SEPTIN9: variants seen among roughly 807,000 people sequenced by gnomAD.
SEPTIN9 encodes the protein septin-9.
SEPTIN9 carries 13 observed loss-of-function variants against 56.6 expected under a neutral mutation model. That is an observed-to-expected ratio of 0.23 (90% CI 0.15 to 0.37). SEPTIN9 has a LOEUF of 0.37. Among genes scored for constraint, SEPTIN9 ranks in the 10% least tolerant of loss-of-function variants. The pLI is 1.00. For synonymous variants in SEPTIN9, 332 were observed against 334.1 expected (o/e 0.99, Z 0.07); for missense variants, 650 against 823.1 (o/e 0.79, Z 2.57).
chr17:77,369,128 G>A lies in SEPTIN9; in HGVS notation c.77-32931G>A, dbSNP rs1314049297. Among the ~76,000 whole-genome samples the A allele has an allele frequency of 6.6e-6, 1 of 152,158 alleles. No individual in the cohort carries two copies. The highest frequency in any genetic ancestry group is 2.4e-5 in the African/African-American group (1 of 41,420). On this transcript the variant is annotated intron_variant, in intron 2 of 11. Transcript: ENST00000427177. The surrounding 1 kb of genome is among the most constrained non-coding windows in gnomAD (Gnocchi z 4.9). ...GGGTGCCTGTAATCCGAGCTACTTG[G>A]GAGGCTGAGGCAGGAGAATCACTTG...
intron 2 of SEPTIN9, among the ~76,000 whole-genome samples, chr17:77,360,803 A>G (rs2034391556): frequency 1.3e-5 from 2 of 151,526 alleles, no homozygotes; most frequent in Admixed American, 1.3e-4. Context: ...TGACCTCGCA[A>G]TCTGCCCTCC....
At chr17:77,290,702 C>A (rs2031505122) in intron 1 of SEPTIN9, among the ~76,000 whole-genome samples, 1 of 150,054 alleles carries the variant, frequency 6.7e-6, no homozygotes. Context: ...GTAGTCCCAG[C>A]TACTCGGGAG....
chr17:77,409,788 C>T (rs922968099), intron 3 of SEPTIN9, among the ~76,000 whole-genome samples: 3 of 152,236 alleles, frequency 2.0e-5, no homozygotes, highest in Non-Finnish European at 4.4e-5. Flanking sequence ...CGCGCCGCGG[C>T]CAGACAGCCA....
chr17:77,350,629 G>A (rs1477643656), intron 2 of SEPTIN9, among the ~76,000 whole-genome samples: 1 of 152,052 alleles, frequency 6.6e-6, no homozygotes, highest in Non-Finnish European at 1.5e-5. Flanking sequence ...GTGTGTGTGT[G>A]TGTGTGTGTC....
At chr17:77,484,538 G>A (rs1342696429) in intron 4 of SEPTIN9, among the ~76,000 whole-genome samples, 2 of 147,880 alleles carry the variant, frequency 1.4e-5, no homozygotes, top group Admixed American at 6.7e-5. Flanking sequence ...GATGGTGGTG[G>A]TGGTGATGGT....
Position 77,319,644 on chromosome 17 carries a change from T to TG in SEPTIN9, c.76+12451dup. On this transcript the variant is annotated intron_variant, in intron 2 of 11. Transcript: ENST00000427177. The surrounding 1 kb of genome is among the most constrained non-coding windows in gnomAD (Gnocchi z 5.3). ...GGCCGTTCCTCCTGCCCAGCCACGTTGGGGTACAGGGTGAAGAAGGGCTGG... is the reference window on the plus strand; with the variant it reads ...GGCCGTTCCTCCTGCCCAGCCACGTTGGGGGTACAGGGTGAAGAAGGGCTGG... The TG allele has an allele frequency of 7.5e-6, 8 of 1,062,502 alleles. No homozygotes were observed. Among genetic ancestry groups the TG allele is most frequent in the Non-Finnish European group, 9.1e-6 (8 of 877,594 alleles). The allele number at this position is 1,062,502 out of a possible 1,614,324, so 65.8% of individuals were successfully genotyped here. A position where few individuals can be genotyped will look rare whatever the true frequency, so the allele number is the denominator to read the frequency against.
At chr17:77,442,448 C>T (rs1215630572) in intron 3 of SEPTIN9, among the ~76,000 whole-genome samples, 4 of 146,918 alleles carry the variant, frequency 2.7e-5, no homozygotes, top group Non-Finnish European at 4.5e-5. Flanking sequence ...CTGCCTACCT[C>T]GGCCTCCCAA....
In SEPTIN9 at chr17:77,498,516, C is replaced by A; in HGVS notation, c.1626-7C>A. 2 of 638,042 alleles carry A rather than the reference C, an allele frequency of 3.1e-6. No individual in the cohort carries two copies. Among genetic ancestry groups the A allele is most frequent in the Non-Finnish European group, 5.2e-6 (2 of 381,646 alleles). The allele number at this position is 638,042 out of a possible 1,614,324, so 39.5% of individuals were successfully genotyped here. A position where few individuals can be genotyped will look rare whatever the true frequency, so the allele number is the denominator to read the frequency against. On this transcript the variant is annotated splice_polypyrimidine_tract_variant and splice_region_variant and intron_variant, in intron 11 of 11. Coordinates refer to ENST00000427177, the MANE Select transcript of SEPTIN9 (RefSeq NM_001113491.2). ...CTCACTGACCCGCCCGCCCCCCACCCCCACAGGACGCACATGCAGAACATC... is the reference window on the plus strand; with the variant it reads ...CTCACTGACCCGCCCGCCCCCCACCACCACAGGACGCACATGCAGAACATC...
chr17:77,482,567 A>T (rs1159006038), intron 4 of SEPTIN9: 1 of 695,372 alleles, frequency 1.4e-6, no homozygotes, highest in Admixed American at 2.0e-5. Context: ...GGCCCCTGAG[A>T]TGACTTTGGG....
At chr17:77,472,194 A>C (rs1238506689) in intron 3 of SEPTIN9, among the ~76,000 whole-genome samples, 1 of 152,232 alleles carries the variant, frequency 6.6e-6, no homozygotes, top group African/African-American at 2.4e-5. Context: ...GGCCTCTTCC[A>C]GAAAGCGGCG....
intron 3 of SEPTIN9, among the ~76,000 whole-genome samples, chr17:77,404,098 C>T (rs2035988504): frequency 6.6e-6 from 1 of 152,176 alleles, no homozygotes; most frequent in Non-Finnish European, 1.5e-5. Context: ...ATCCGTCGTG[C>T]TGTAGCATGG....
rs1437305157 is a variant in SEPTIN9, at chr17:77,367,840, A to C, written c.77-34219A>C. 6.6e-6 allele frequency among the ~76,000 whole-genome samples: 1 copy of C among 152,056 alleles called. No individual in the cohort carries two copies. The highest frequency in any genetic ancestry group is 6.5e-5 in the Admixed American group (1 of 15,268). ...AATAATAATAATGCTAATAATAAAT[A>C]AAATAATAATAATAAAATAATAAAA... On this transcript the variant is annotated intron_variant, in intron 2 of 11. Coordinates refer to ENST00000427177, the MANE Select transcript of SEPTIN9 (RefSeq NM_001113491.2). The surrounding 1 kb of genome is among the most constrained non-coding windows in gnomAD (Gnocchi z 4.5).
chr17:77,465,066 A>G (rs2144523757), intron 3 of SEPTIN9, among the ~76,000 whole-genome samples: 1 of 152,248 alleles, frequency 6.6e-6, no homozygotes, highest in South Asian at 2.1e-4. Flanking sequence ...CCTGTTCTAG[A>G]TAGTTTGTAT....
intron 4 of SEPTIN9, among the ~76,000 whole-genome samples, chr17:77,485,757 A>G (rs970184474): frequency 6.6e-6 from 1 of 152,030 alleles, no homozygotes; most frequent in East Asian, 1.9e-4. Context: ...GATTCCCAGC[A>G]CCAGCCTCTG....
chr17:77,391,630 C>T (rs79497040), intron 2 of SEPTIN9, among the ~76,000 whole-genome samples: 319 of 152,298 alleles, frequency 2.1e-3, no homozygotes, highest in East Asian at 0.015. Context: ...TAAGACATAT[C>T]GTTTTGGGGG....
At chr17:77,462,305 G>A (rs769316351) in intron 3 of SEPTIN9, among the ~76,000 whole-genome samples, 5 of 152,166 alleles carry the variant, frequency 3.3e-5, no homozygotes, top group Non-Finnish European at 7.3e-5. Context: ...GCAGTGGCCC[G>A]ATCACGGCTC....
At chr17:77,380,146 G>C (rs1326612558) in intron 2 of SEPTIN9, 1 of 169,434 alleles carries the variant, frequency 5.9e-6, no homozygotes, top group Non-Finnish European at 1.3e-5. Context: ...CCAGCAGACA[G>C]TTCTAGAGAC....
chr17:77,377,589 G>A (rs758435038), intron 2 of SEPTIN9, among the ~76,000 whole-genome samples: 41 of 152,034 alleles, frequency 2.7e-4, no homozygotes, highest in African/African-American at 9.4e-4. Context: ...ACTGTCGCCC[G>A]AGGAGGACCC....
chr17:77,454,786 A>G (rs749469736), intron 3 of SEPTIN9, among the ~76,000 whole-genome samples: 4 of 152,244 alleles, frequency 2.6e-5, no homozygotes, highest in Non-Finnish European at 5.9e-5. Flanking sequence ...GAGAGAGCTT[A>G]ACACCCAGAG....
Sources: gnomAD v4.1 joint callset for allele counts (sites outside exome capture counted in the v4.1 genomes callset) on GRCh38, gnomAD v4.1.1 for gene constraint, Gnocchi (gnomAD v3.1) non-coding constraint, MANE v1.5 for transcripts, NCBI Gene and HGNC (gene_info 2026-07-23, HGNC 2026-07-21) for gene names.